ZNF831: variants seen among roughly 807,000 people sequenced by gnomAD.
ZNF831 encodes zinc finger protein 831.
A neutral mutation model predicts 95.8 loss-of-function variants in ZNF831; 59 were observed. The ratio of observed to expected loss-of-function variants is 0.62; its 90% CI spans 0.50 to 0.77. The LOEUF (loss-of-function observed/expected upper bound fraction) is 0.77. Ranked by LOEUF, ZNF831 falls within the 30% of genes least tolerant of loss-of-function variation. ZNF831 has a pLI of 0.00. For missense variants in ZNF831, 2,205 were observed against 2,164.0 expected, an observed-to-expected ratio of 1.02 and a Z score of -0.38; for synonymous variants, 961 against 925.5, an observed-to-expected ratio of 1.04 and a Z score of -0.70.
At chr20:59,239,589 G>A (rs567601608) in intron 4 of ZNF831, among the ~76,000 whole-genome samples, 7 of 135,708 alleles carry the variant, frequency 5.2e-5, no homozygotes, top group African/African-American at 1.1e-4. Flanking sequence ...TCGCTCTGTC[G>A]CCCAGGCTGG....
chr20:59,164,907 G>T (rs1981133587), intron 1 of ZNF831, among the ~76,000 whole-genome samples: 2 of 152,164 alleles, frequency 1.3e-5, no homozygotes, highest in Admixed American at 1.3e-4. Context: ...CTACCAAAAT[G>T]CAACGAGGGA....
At chr20:59,226,108 G>T (rs1044082385) in intron 4 of ZNF831, among the ~76,000 whole-genome samples, 25 of 152,088 alleles carry the variant, frequency 1.6e-4, no homozygotes, top group African/African-American at 5.1e-4. Context: ...CCTTCTACTT[G>T]GCCAGGTGGG....
At chr20:59,233,045 TAGAG>T (rs35568283) in intron 4 of ZNF831, among the ~76,000 whole-genome samples, 6 of 109,460 alleles carry the variant, frequency 5.5e-5, no homozygotes, top group Non-Finnish European at 1.1e-4. Context: ...CACACACACA[TAGAG>T]AGAGAGAGAC....
At chr20:59,171,149 G>A (rs1185939207) in intron 1 of ZNF831, among the ~76,000 whole-genome samples, 1 of 152,176 alleles carries the variant, frequency 6.6e-6, no homozygotes, top group Non-Finnish European at 1.5e-5. Flanking sequence ...GGGGCCTGTG[G>A]CTGGGAGGGG....
At chr20:59,246,495 C>T (rs1199788932) in intron 4 of ZNF831, among the ~76,000 whole-genome samples, 1 of 152,178 alleles carries the variant, frequency 6.6e-6, no homozygotes, top group African/African-American at 2.4e-5. Context: ...TCTGTTTTGG[C>T]TTTCAATCTT....
At chr20:59,160,271 C>T (rs1481315406), upstream of ZNF831, 1 of 152,256 alleles carries the variant, frequency 6.6e-6, no homozygotes. Flanking sequence ...AAATATCCAT[C>T]TATTCCCATT....
chr20:59,132,980 G>A (rs961142515), intron 1 of ZNF831, among the ~76,000 whole-genome samples: 13 of 151,838 alleles, frequency 8.6e-5, no homozygotes, highest in Non-Finnish European at 1.3e-4. Flanking sequence ...CATGACGTCC[G>A]TAGGATCACT....
intron 1 of ZNF831, 35 bp from the exon 2 acceptor site, chr20:59,190,949 A>C: frequency 6.9e-7 from 1 of 1,452,544 alleles, no homozygotes; most frequent in Non-Finnish European, 9.0e-7. Context: ...GAGAGAGGAG[A>C]GGTGCCCATG....
At chr20:59,237,473 A>G (rs1987063466) in intron 4 of ZNF831, among the ~76,000 whole-genome samples, 1 of 152,118 alleles carries the variant, frequency 6.6e-6, no homozygotes, top group Admixed American at 6.5e-5. Flanking sequence ...CAGCCTCCCA[A>G]GTAGCTGGAA....
rs1987993436 is a variant in ZNF831, at chr20:59,253,212, C to G, written c.4188+74C>G. The G allele has an allele frequency of 1.9e-6, 3 of 1,539,632 alleles. No homozygotes were observed. In the African/African-American group the frequency reaches 4.1e-5, roughly 21 times the overall value. ...TATAGCCCTGCTTGTTCTTGCTGCT[C>G]TTGTTCAGTGTGGCAGAACTTGCTC... On this transcript the variant is annotated intron_variant, in intron 5 of 5. Coordinates refer to ENST00000371030, the MANE Select transcript of ZNF831 (RefSeq NM_178457.3).
At chr20:59,156,327 A>C (rs1034302963) in intron 2 of ZNF831, among the ~76,000 whole-genome samples, 4 of 152,152 alleles carry the variant, frequency 2.6e-5, no homozygotes, top group African/African-American at 9.7e-5. Context: ...GGAGTCTGAG[A>C]CCAGCCTGGC....
chr20:59,154,281 G>T (rs1980409276), intron 2 of ZNF831, among the ~76,000 whole-genome samples: 1 of 152,158 alleles, frequency 6.6e-6, no homozygotes, highest in Non-Finnish European at 1.5e-5. Context: ...GCTTCTCCAA[G>T]AATGCACACA....
At chr20:59,211,186 T>C (rs575490415) in intron 4 of ZNF831, among the ~76,000 whole-genome samples, 1 of 152,138 alleles carries the variant, frequency 6.6e-6, no homozygotes, top group Admixed American at 6.5e-5. Flanking sequence ...TCCCCTTACA[T>C]AGGTAATAAG....
chr20:59,212,427 T>G (rs973212481), intron 4 of ZNF831, among the ~76,000 whole-genome samples: 17 of 152,160 alleles, frequency 1.1e-4, no homozygotes, highest in African/African-American at 3.6e-4. Context: ...CGGTAGTCCA[T>G]TCCATCCAAG....
At chr20:59,221,325 G>A (rs915993666) in intron 4 of ZNF831, among the ~76,000 whole-genome samples, 2 of 152,170 alleles carry the variant, frequency 1.3e-5, no homozygotes, top group Non-Finnish European at 2.9e-5. Flanking sequence ...TTCCTGCCGG[G>A]GTGAGACTTG....
chr20:59,148,399 C>CATGAGAGCAA (rs1568725851), intron 2 of ZNF831, among the ~76,000 whole-genome samples: 1 of 147,878 alleles, frequency 6.8e-6, no homozygotes, highest in African/African-American at 2.5e-5. Context: ...TAGAACAGAG[C>CATGAGAGCAA]GGCCGGGCGC....
At chr20:59,133,791 A>G (rs1157517427) in intron 1 of ZNF831, among the ~76,000 whole-genome samples, 1 of 152,226 alleles carries the variant, frequency 6.6e-6, no homozygotes, top group East Asian at 1.9e-4. Context: ...GGCAAGGACG[A>G]GCCCTGGAGC....
At chr20:59,156,400 C>A (rs1980543749) in intron 2 of ZNF831, among the ~76,000 whole-genome samples, 1 of 152,064 alleles carries the variant, frequency 6.6e-6, no homozygotes, top group Non-Finnish European at 1.5e-5. Flanking sequence ...GTGGTGGGAG[C>A]CTGTAAACCC....
chr20:59,134,931 G>A (rs1025714011), intron 1 of ZNF831, among the ~76,000 whole-genome samples: 3 of 152,064 alleles, frequency 2.0e-5, no homozygotes, highest in African/African-American at 7.2e-5. Flanking sequence ...ATGCATGACA[G>A]GTATCCACCT....
Sources: gnomAD v4.1 joint callset for allele counts (sites outside exome capture counted in the v4.1 genomes callset) on GRCh38, gnomAD v4.1.1 for gene constraint, MANE v1.5 for transcripts, NCBI Gene and HGNC (gene_info 2026-07-23, HGNC 2026-07-21) for gene names.